Variants in MYT1L observed in about 807,000 individuals in gnomAD.
MYT1L encodes the protein myelin transcription factor 1-like protein.
Under a neutral mutation model 126.7 loss-of-function variants are expected in MYT1L, and 12 were observed. That is an observed-to-expected ratio of 0.09 (90% CI 0.06 to 0.15). The LOEUF is 0.15. MYT1L is among the 10% of genes least tolerant of loss of function. The pLI, the probability that MYT1L is intolerant of heterozygous loss-of-function variation, is 1.00. For synonymous variants in MYT1L, 541 were observed against 604.2 expected (o/e 0.90, Z 1.53); for missense variants, 979 against 1,585.2 (o/e 0.62, Z 6.49).
At chr2:1,821,043 G>C (rs928352256) in intron 21 of MYT1L, among the ~76,000 whole-genome samples, 1 of 152,190 alleles carries the variant, frequency 6.6e-6, no homozygotes, top group Non-Finnish European at 1.5e-5. Flanking sequence ...GCCGGTCCCA[G>C]ATGGTGTCAG....
rs61708071 is a variant in MYT1L, at chr2:2,214,257, TTATCTATCTATC to T, written c.-420-41281_-420-41270del. Among the ~76,000 whole-genome samples, 939 of 147,434 alleles carry T rather than the reference TTATCTATCTATC, an allele frequency of 6.4e-3. 6 individuals carry two copies. Among genetic ancestry groups the T allele is most frequent in the African/African-American group, 0.016 (659 of 40,044 alleles). ...AAAAAAAAAAGAAACATGAGACAAA[TTATCTATCTATC>T]TATCTATCTATCTATCTATCTATCT... is the stretch of plus-strand genomic sequence containing the variant. On this transcript the variant is annotated intron_variant, in intron 2 of 24. Coordinates refer to ENST00000647738, the MANE Select transcript of MYT1L (RefSeq NM_001303052.2).
intron 2 of MYT1L, among the ~76,000 whole-genome samples, chr2:2,212,086 T>C (rs954478609): frequency 2.6e-5 from 4 of 152,148 alleles, no homozygotes; most frequent in African/African-American, 4.8e-5. Context: ...TCTAGACACA[T>C]GACTGATGCT....
intron 2 of MYT1L, among the ~76,000 whole-genome samples, chr2:2,238,751 G>GT (rs1475099968): frequency 6.6e-6 from 1 of 152,246 alleles, no homozygotes; most frequent in Non-Finnish European, 1.5e-5. Flanking sequence ...TGCAACGATT[G>GT]TAAGTGTAGT....
At chr2:2,115,576 G>T (rs1409891704) in intron 3 of MYT1L, among the ~76,000 whole-genome samples, 14 of 152,218 alleles carry the variant, frequency 9.2e-5, no homozygotes. Flanking sequence ...AACTAAAAAG[G>T]TCAAAGGCAT....
chr2:1,997,034 G>A (rs980171962), intron 5 of MYT1L, among the ~76,000 whole-genome samples, 157 bp downstream of exon 5: 2 of 145,320 alleles, frequency 1.4e-5, no homozygotes, highest in Non-Finnish European at 3.0e-5. Flanking sequence ...GTACAGAACC[G>A]AGTGTAGACG....
At chr2:2,103,710 G>C (rs13018646) in intron 3 of MYT1L, among the ~76,000 whole-genome samples, 4,937 of 152,336 alleles carry the variant, frequency 0.032, 106 homozygotes, top group East Asian at 0.076. Flanking sequence ...CCCCAGTGCA[G>C]CTGCTTCTTT....
intron 2 of MYT1L, among the ~76,000 whole-genome samples, chr2:2,208,015 G>T (rs1302654663): frequency 6.6e-6 from 1 of 152,088 alleles, no homozygotes; most frequent in African/African-American, 2.4e-5. Flanking sequence ...CCACTCAGTG[G>T]CAAACCCTCC....
At chr2:2,024,619 A>G (rs933780755) in intron 4 of MYT1L, among the ~76,000 whole-genome samples, 2 of 152,208 alleles carry the variant, frequency 1.3e-5, no homozygotes, top group Admixed American at 6.5e-5. Context: ...CTTTATATCC[A>G]GGCCGGCTTT....
intron 2 of MYT1L, among the ~76,000 whole-genome samples, chr2:2,241,727 A>G (rs915368808): frequency 6.6e-6 from 1 of 152,246 alleles, no homozygotes; most frequent in Non-Finnish European, 1.5e-5. Context: ...GTCCACTGAC[A>G]GATGTACAGT....
At chr2:2,109,907 A>C (rs1016555613) in intron 3 of MYT1L, among the ~76,000 whole-genome samples, 10 of 127,656 alleles carry the variant, frequency 7.8e-5, no homozygotes, top group African/African-American at 2.1e-4. Context: ...ATATATATAT[A>C]TATATATATA....
intron 3 of MYT1L, among the ~76,000 whole-genome samples, chr2:2,071,714 T>C (rs1305359064): frequency 6.6e-6 from 1 of 152,182 alleles, no homozygotes; most frequent in Middle Eastern, 3.2e-3. Context: ...TATGGAAGGA[T>C]AGGTGATATA....
At chr2:2,226,463 C>G (rs1303795013) in intron 2 of MYT1L, among the ~76,000 whole-genome samples, 3 of 152,236 alleles carry the variant, frequency 2.0e-5, no homozygotes, top group African/African-American at 7.2e-5. Context: ...GGACACCGCT[C>G]TCCTGGATCC....
At chr2:1,956,428 ATCTATCTATCTACCT>A (rs1339570525) in intron 8 of MYT1L, among the ~76,000 whole-genome samples, 11 of 132,756 alleles carry the variant, frequency 8.3e-5, no homozygotes, top group African/African-American at 3.3e-4. Flanking sequence ...CTATCTATCT[ATCTATCTATCTACCT>A]ATCATCTATC....
intron 18 of MYT1L, chr2:1,883,829 C>A (rs2047867387): frequency 6.6e-6 from 1 of 152,236 alleles, no homozygotes; most frequent in African/African-American, 2.4e-5. Context: ...GTCTTCGACA[C>A]ACCAGATGGG....
At chr2:2,023,664 G>C (rs1185291401) in intron 4 of MYT1L, among the ~76,000 whole-genome samples, 1 of 151,976 alleles carries the variant, frequency 6.6e-6, no homozygotes, top group Non-Finnish European at 1.5e-5. Flanking sequence ...TGAATAGTTG[G>C]ATGGGGAGCA....
chr2:2,038,325 T>C (rs779454374), intron 4 of MYT1L, among the ~76,000 whole-genome samples: 2 of 152,136 alleles, frequency 1.3e-5, no homozygotes, highest in South Asian at 2.1e-4. Flanking sequence ...TTTGGTTGAG[T>C]AGAATCTCAC....
chr2:2,123,063 C>T (rs1435308491), intron 3 of MYT1L, among the ~76,000 whole-genome samples: 1 of 152,096 alleles, frequency 6.6e-6, no homozygotes, highest in Non-Finnish European at 1.5e-5. Context: ...CTCGCCTGAC[C>T]TTGTGTTTCC....
At chr2:2,030,976 G>A (rs764219451) in intron 4 of MYT1L, among the ~76,000 whole-genome samples, 7 of 152,156 alleles carry the variant, frequency 4.6e-5, no homozygotes, top group Non-Finnish European at 7.4e-5. Context: ...CTCACATTGT[G>A]AGGACATACT....
chr2:1,899,061 T>C (rs966839318), intron 14 of MYT1L, among the ~76,000 whole-genome samples: 3 of 152,172 alleles, frequency 2.0e-5, no homozygotes, highest in South Asian at 2.1e-4. Flanking sequence ...CAGAGCCCAT[T>C]TGGGGGCTGG....
Sources: allele counts gnomAD v4.1 joint callset (sites outside exome capture counted in the v4.1 genomes callset), GRCh38; gene constraint gnomAD v4.1.1; transcripts MANE v1.5; gene names NCBI Gene and HGNC (gene_info 2026-07-23, HGNC 2026-07-21).